ZNF644: variants seen among roughly 807,000 people sequenced by gnomAD.
ZNF644 encodes the protein zinc finger protein 644.
ZNF644 carries 20 observed loss-of-function variants against 108.0 expected under a neutral mutation model. That is an observed-to-expected ratio of 0.19 (90% CI 0.13 to 0.27). ZNF644 has a LOEUF of 0.27. ZNF644 is among the 10% of genes least tolerant of loss of function. The probability of loss-of-function intolerance (pLI) is 1.00; values close to 1 mark genes in which losing one functional copy is unlikely to be tolerated. For synonymous variants in ZNF644, 542 were observed against 539.1 expected, an observed-to-expected ratio of 1.01 and a Z score of -0.08; for missense variants, 1,338 against 1,548.9, an observed-to-expected ratio of 0.86 and a Z score of 2.29.
At chr1:90,917,923 A>C in intron 5 of ZNF644, 129 bp downstream of exon 5, 1 of 788,916 alleles carries the variant, frequency 1.3e-6, no homozygotes, top group African/African-American at 1.7e-5. Flanking sequence ...CCTATCTCCA[A>C]AAGTTCATTT....
At chr1:90,942,627 G>A (rs1570391944) in intron 2 of ZNF644, among the ~76,000 whole-genome samples, 1 of 152,130 alleles carries the variant, frequency 6.6e-6, no homozygotes, top group Non-Finnish European at 1.5e-5. Context: ...TTCCTAAAGT[G>A]TACAGAAGAA....
At chr1:90,996,949 A>G (rs113338840) in intron 1 of ZNF644, among the ~76,000 whole-genome samples, 87 of 152,286 alleles carry the variant, frequency 5.7e-4, no homozygotes, top group Non-Finnish European at 1.0e-3. Context: ...CTGACTCAGC[A>G]CTTACCTAGT....
rs762203090 is a variant in ZNF644, at chr1:90,941,142, G to A, written c.212C>T (p.Thr71Met). 13 of 1,613,348 alleles carry A rather than the reference G, an allele frequency of 8.1e-6. No individual in the cohort carries two copies. Among genetic ancestry groups the A allele is most frequent in the Middle Eastern group, 1.6e-4 (1 of 6,078 alleles). ...TGACAGTTCTTCAGGCAGAGTCAAC[G>A]TATTATTTTTCTGAAATGATGTTTG... ...DCQTSFQKNNTLTLPEELSKD... is the reference protein window; with the variant it reads ...DCQTSFQKNNMLTLPEELSKD... The change falls in exon 3 of 6, where the codon ACG becomes ATG. Residue 71 changes from threonine to methionine, a missense_variant. Coordinates refer to ENST00000337393, the MANE Select transcript of ZNF644 (RefSeq NM_201269.3).
intron 2 of ZNF644, among the ~76,000 whole-genome samples, chr1:90,964,516 AG>A (rs1210722121): frequency 6.6e-6 from 1 of 152,160 alleles, no homozygotes; most frequent in East Asian, 1.9e-4. Flanking sequence ...TTTTATTTAC[AG>A]AAGAATCAAA....
intron 1 of ZNF644, among the ~76,000 whole-genome samples, chr1:91,014,164 A>G (rs1660223229): frequency 6.6e-6 from 1 of 152,190 alleles, no homozygotes; most frequent in African/African-American, 2.4e-5. Context: ...CACATGCATT[A>G]CCTCACATAG....
At chr1:90,996,617 T>C (rs1382161733) in intron 1 of ZNF644, among the ~76,000 whole-genome samples, 1 of 152,150 alleles carries the variant, frequency 6.6e-6, no homozygotes, top group African/African-American at 2.4e-5. Flanking sequence ...GTACCCCGTC[T>C]CTAAATAATG....
At chr1:90,935,446 T>C in intron 4 of ZNF644, 1 of 985,888 alleles carries the variant, frequency 1.0e-6, no homozygotes, top group Non-Finnish European at 1.2e-6. Flanking sequence ...CTTTCGTGCA[T>C]AAGCGCGTAA....
intron 2 of ZNF644, among the ~76,000 whole-genome samples, chr1:90,942,897 C>A (rs758053406): frequency 1.3e-5 from 2 of 152,108 alleles, no homozygotes; most frequent in Non-Finnish European, 2.9e-5. Context: ...ATGCATTGTT[C>A]CTGTATTCCA....
At chr1:90,979,663 T>C (rs2101453005) in intron 2 of ZNF644, among the ~76,000 whole-genome samples, 1 of 152,256 alleles carries the variant, frequency 6.6e-6, no homozygotes, top group African/African-American at 2.4e-5. Flanking sequence ...TTCAGAGAAA[T>C]AAGGAAAAGT....
intron 4 of ZNF644, among the ~76,000 whole-genome samples, chr1:90,928,298 G>A (rs1146428): frequency 0.1 from 15,425 of 148,574 alleles, 939 homozygotes; most frequent in South Asian, 0.15. Context: ...GATTACAGGC[G>A]CGCACCACCA....
intron 1 of ZNF644, among the ~76,000 whole-genome samples, chr1:90,985,072 C>T (rs1330185173): frequency 6.6e-6 from 1 of 152,120 alleles, no homozygotes; most frequent in Non-Finnish European, 1.5e-5. Flanking sequence ...TTTTACCTTG[C>T]TTTGCTCGTA....
At chr1:90,995,188 T>C (rs184079275) in intron 1 of ZNF644, among the ~76,000 whole-genome samples, 218 of 152,060 alleles carry the variant, frequency 1.4e-3, no homozygotes, top group Middle Eastern at 6.8e-3. Flanking sequence ...AAAGAAATTA[T>C]GTTCAAACAA....
At chr1:91,014,660 A>G (rs1660273432) in intron 1 of ZNF644, among the ~76,000 whole-genome samples, 1 of 152,148 alleles carries the variant, frequency 6.6e-6, no homozygotes, top group Non-Finnish European at 1.5e-5. Context: ...GGTCAACATC[A>G]TTGTACCAAT....
chr1:90,937,783 A>G lies in ZNF644; in HGVS notation c.3390T>C (p.Asn1130=), dbSNP rs752373303. 4 of 1,613,890 alleles carry G rather than the reference A, an allele frequency of 2.5e-6. No individual in the cohort carries two copies. The highest frequency in any genetic ancestry group is 3.4e-6 in the Non-Finnish European group (4 of 1,179,878). ...CTGACAGAGCTTCAGTCTTTAGGCCATTACGGTATGCTTCAAGAGGTATAA... is the reference window on the plus strand; with the variant it reads ...CTGACAGAGCTTCAGTCTTTAGGCCGTTACGGTATGCTTCAAGAGGTATAA... ...QNVIPLEAYR[N]GLKTEALSVS... is the part of the protein sequence containing the mutation. The change falls in exon 4 of 6, where the codon AAT becomes AAC. Residue 1130 remains asparagine, a synonymous_variant. Transcript: ENST00000337393.
chr1:91,007,220 A>AT (rs1557658483), intron 1 of ZNF644, among the ~76,000 whole-genome samples: 303 of 30,262 alleles, frequency 0.01, 16 homozygotes, highest in Middle Eastern at 0.045. Context: ...ATTTTCTCCC[A>AT]TTTTGTTTTT....
At chr1:90,959,247 A>G (rs1169855876) in intron 2 of ZNF644, among the ~76,000 whole-genome samples, 1 of 152,208 alleles carries the variant, frequency 6.6e-6, no homozygotes, top group Non-Finnish European at 1.5e-5. Context: ...AAACAAACGA[A>G]AAAACCAAAA....
At chr1:90,943,927 G>A (rs913847019) in intron 2 of ZNF644, among the ~76,000 whole-genome samples, 1 of 152,202 alleles carries the variant, frequency 6.6e-6, no homozygotes, top group African/African-American at 2.4e-5. Context: ...TCATAAATCT[G>A]AAACGAACGA....
intron 2 of ZNF644, among the ~76,000 whole-genome samples, chr1:90,958,301 C>T (rs1349647131): frequency 8.0e-6 from 1 of 125,280 alleles, no homozygotes; most frequent in Non-Finnish European, 1.7e-5. Flanking sequence ...GCGCTAAAAA[C>T]TACAAAACAT....
chr1:90,970,079 T>G (rs1322232062), intron 2 of ZNF644, among the ~76,000 whole-genome samples: 1 of 152,190 alleles, frequency 6.6e-6, no homozygotes, highest in Admixed American at 6.5e-5. Flanking sequence ...AGTTTAGACA[T>G]AAGAACAAGT....
Sources: gnomAD v4.1 joint callset for allele counts (sites outside exome capture counted in the v4.1 genomes callset) on GRCh38, gnomAD v4.1.1 for gene constraint, MANE v1.5 for transcripts, NCBI Gene and HGNC (gene_info 2026-07-23, HGNC 2026-07-21) for gene names.